ATP11C: variants seen among roughly 807,000 people sequenced by gnomAD.
The protein encoded by ATP11C is phospholipid-transporting ATPase IG.
Under a neutral mutation model 97.4 loss-of-function variants are expected in ATP11C, and 36 were observed. The observed-to-expected ratio is 0.37, with a 90% confidence interval of 0.28 to 0.49. The LOEUF (loss-of-function observed/expected upper bound fraction) is 0.49. Among genes scored for constraint, ATP11C ranks in the 20% least tolerant of loss-of-function variants. The pLI, the probability that ATP11C is intolerant of heterozygous loss-of-function variation, is 0.98. For missense variants in ATP11C, 730 were observed against 824.6 expected, an observed-to-expected ratio of 0.89 and a Z score of 1.40; for synonymous variants, 275 against 290.9, an observed-to-expected ratio of 0.95 and a Z score of 0.56.
chrX:139,901,329 G>C (rs2084896603), intron 1 of ATP11C, among the ~76,000 whole-genome samples: 1 of 111,922 alleles, frequency 8.9e-6, no homozygotes, highest in African/African-American at 3.2e-5. Flanking sequence ...CCTTGAAGTG[G>C]CCACCTGGGC....
chrX:139,753,975 A>G (rs1031055388), intron 23 of ATP11C, among the ~76,000 whole-genome samples: 134 of 111,412 alleles, frequency 1.2e-3, no homozygotes, highest in African/African-American at 4.0e-3. Context: ...AACCCAAATC[A>G]GAGCTGAACT....
chrX:139,757,613 T>C (rs2081963509), intron 23 of ATP11C, among the ~76,000 whole-genome samples, 195 bp downstream of exon 23: 1 of 112,092 alleles, frequency 8.9e-6, no homozygotes, highest in Non-Finnish European at 1.9e-5. Flanking sequence ...CAACAGGATG[T>C]ACCAAAAGCA....
intron 9 of ATP11C, 27 bp downstream of exon 9, chrX:139,798,652 G>A: frequency 9.1e-7 from 1 of 1,094,484 alleles, no homozygotes. Flanking sequence ...CATATTTTTT[G>A]ATAGGTGTAT....
At chrX:139,831,988 CTTAAAGA>C (rs1420780360) in intron 1 of ATP11C, among the ~76,000 whole-genome samples, 1 of 111,932 alleles carries the variant, frequency 8.9e-6, no homozygotes, top group Non-Finnish European at 1.9e-5. Flanking sequence ...ATTCTTAACT[CTTAAAGA>C]TAGGAGCAGT....
At chrX:139,738,364 T>G (rs1283002662) in intron 27 of ATP11C, among the ~76,000 whole-genome samples, 2 of 112,238 alleles carry the variant, frequency 1.8e-5, no homozygotes, top group Admixed American at 1.9e-4. Flanking sequence ...TAGAAAATGC[T>G]GGTGCTTAAA....
intron 5 of ATP11C, among the ~76,000 whole-genome samples, chrX:139,810,293 TAA>T (rs915420230): frequency 9.1e-6 from 1 of 110,040 alleles, no homozygotes; most frequent in African/African-American, 3.3e-5. Flanking sequence ...TCATCCCTAC[TAA>T]AAATACAAAA....
chrX:139,932,080 C>T lies in ATP11C; in HGVS notation c.-38G>A, dbSNP rs371148529. On this transcript the variant is annotated 5_prime_UTR_variant, in exon 1 of 30. Transcript: ENST00000682941. The stretch of plus-strand genomic sequence containing the variant: ...TGCCGGGCGCTGAGCTGGGCTCTAC[C>T]GGGCTGTCTGGGAAGGCGCCGTCCA... 3.3e-4 allele frequency: 376 copies of T among 1,133,369 alleles called. 6 individuals carry two copies. In the East Asian group the frequency reaches 0.01, roughly 30 times the overall value. 93.4% of individuals were successfully genotyped at this position (1,133,369 alleles called of 1,213,427 possible).
intron 3 of ATP11C, 83 bp from the exon 4 acceptor site, chrX:139,817,026 A>T (rs1396455280): frequency 1.8e-6 from 1 of 562,483 alleles, no homozygotes; most frequent in Admixed American, 3.5e-5. Context: ...CAAACATTTC[A>T]AACAGAAACA....
chrX:139,822,917 C>T (rs1272877551), intron 2 of ATP11C, among the ~76,000 whole-genome samples: 1 of 110,325 alleles, frequency 9.1e-6, no homozygotes, highest in African/African-American at 3.3e-5. Context: ...ACTATTTATA[C>T]AGAAAATGCC....
chrX:139,838,747 G>A (rs1371491712), intron 1 of ATP11C, among the ~76,000 whole-genome samples: 2 of 112,026 alleles, frequency 1.8e-5, no homozygotes, highest in African/African-American at 3.2e-5. Context: ...TCAGTAGTTC[G>A]AGCCAGCATG....
intron 5 of ATP11C, among the ~76,000 whole-genome samples, chrX:139,804,867 T>TC (rs201540718): frequency 0.045 from 5,013 of 112,200 alleles, 122 homozygotes; most frequent in Non-Finnish European, 0.062. Context: ...GTTTGCTCTC[T>TC]GATATTTCTT....
At chrX:139,935,602 T>C (rs999241477), upstream of ATP11C, among the ~76,000 whole-genome samples, 3 of 111,350 alleles carry the variant, frequency 2.7e-5, no homozygotes, top group African/African-American at 9.8e-5. Flanking sequence ...GCAGTATTGT[T>C]GATTTTTATT....
chrX:139,918,369 TGGG>T (rs2085189621), intron 1 of ATP11C, among the ~76,000 whole-genome samples: 1 of 111,907 alleles, frequency 8.9e-6, no homozygotes, highest in Non-Finnish European at 1.9e-5. Context: ...CCCAGCACTT[TGGG>T]AGGCCGAGGC....
intron 28 of ATP11C, among the ~76,000 whole-genome samples, chrX:139,735,670 T>G (rs2081427892): frequency 1.8e-5 from 2 of 111,366 alleles, no homozygotes; most frequent in Admixed American, 1.9e-4. Flanking sequence ...AAATAGGGCC[T>G]TATATAAACA....
At chrX:139,834,249 G>T (rs1198679410) in intron 1 of ATP11C, among the ~76,000 whole-genome samples, 2 of 111,788 alleles carry the variant, frequency 1.8e-5, no homozygotes, top group East Asian at 5.6e-4. Flanking sequence ...TGCCATGTTT[G>T]ATGACAACTG....
intron 5 of ATP11C, among the ~76,000 whole-genome samples, chrX:139,806,205 AG>A (rs1217523066): frequency 9.0e-6 from 1 of 111,681 alleles, no homozygotes; most frequent in Admixed American, 9.6e-5. Context: ...CAAAGGGCTT[AG>A]CAGGCCAGCC....
At chrX:139,878,032 G>GA (rs2084504332) in intron 1 of ATP11C, among the ~76,000 whole-genome samples, 1 of 111,037 alleles carries the variant, frequency 9.0e-6, no homozygotes, top group South Asian at 3.8e-4. Context: ...TCTCAAAGAG[G>GA]AAAAAACAAA....
chrX:139,769,161 A>C (rs1377990815), intron 19 of ATP11C, among the ~76,000 whole-genome samples: 1 of 103,563 alleles, frequency 9.7e-6, no homozygotes, highest in Non-Finnish European at 2.0e-5. Flanking sequence ...CTGTATAAGA[A>C]ACGTATGGTA....
At chrX:139,879,890 A>G (rs751856205) in intron 1 of ATP11C, among the ~76,000 whole-genome samples, 7 of 110,987 alleles carry the variant, frequency 6.3e-5, no homozygotes, top group Non-Finnish European at 9.4e-5. Flanking sequence ...TTTCAGAAGG[A>G]GAGAAGGTTT....
Sources: gnomAD v4.1 joint callset for allele counts (sites outside exome capture counted in the v4.1 genomes callset) on GRCh38, gnomAD v4.1.1 for gene constraint, MANE v1.5 for transcripts, NCBI Gene and HGNC (gene_info 2026-07-23, HGNC 2026-07-21) for gene names.